The following SYNPO variants were observed in gnomAD, a reference collection of about 807,000 sequenced individuals.
SYNPO encodes synaptopodin.
Under a neutral mutation model 49.5 loss-of-function variants are expected in SYNPO, and 19 were observed. The observed-to-expected ratio is 0.38, with a 90% CI of 0.27 to 0.56. The LOEUF (loss-of-function observed/expected upper bound fraction) is 0.56. SYNPO is among the 20% of genes least tolerant of loss of function. The probability of loss-of-function intolerance (pLI) is 0.68; values close to 1 mark genes in which losing one functional copy is unlikely to be tolerated. For synonymous variants in SYNPO, 536 were observed against 548.0 expected (o/e 0.98, Z 0.31); for missense variants, 1,131 against 1,248.3 (o/e 0.91, Z 1.42).
chr5:150,652,164 A>C (rs1264875246), intron 2 of SYNPO: 2 of 1,002,040 alleles, frequency 2.0e-6, no homozygotes, highest in Non-Finnish European at 2.4e-6. Context: ...CAGCTCCTTC[A>C]GGCCTGGCCT....
intron 2 of SYNPO, chr5:150,650,553 C>T: frequency 2.7e-6 from 4 of 1,461,948 alleles, no homozygotes; most frequent in Non-Finnish European, 3.6e-6. Context: ...GGTCGGACTC[C>T]ATGTCTGAGC....
At chr5:150,650,602 C>A in intron 2 of SYNPO, 1 of 1,450,190 alleles carries the variant, frequency 6.9e-7, no homozygotes, top group East Asian at 2.5e-5. Flanking sequence ...TCTGGCAGCC[C>A]TGATGCGGTA....
the SYNPO span, among the ~76,000 whole-genome samples, chr5:150,595,332 G>C: frequency 6.6e-6 from 1 of 152,238 alleles, no homozygotes; most frequent in East Asian, 1.9e-4. Context: ...GCTAATGCTG[G>C]AAGGATCTTC....
intron 1 of SYNPO, among the ~76,000 whole-genome samples, chr5:150,601,968 T>C (rs1388669344): frequency 2.6e-5 from 4 of 152,188 alleles, no homozygotes; most frequent in Non-Finnish European, 5.9e-5. Flanking sequence ...CTCCAGGAGC[T>C]CGGCATCACC....
intron 2 of SYNPO, among the ~76,000 whole-genome samples, chr5:150,620,073 T>C (rs1456583656): frequency 1.3e-5 from 2 of 152,302 alleles, no homozygotes; most frequent in South Asian, 2.1e-4. Context: ...TCAGGAGACA[T>C]AGATGCTTTC....
chr5:150,589,816 G>T, the SYNPO span, among the ~76,000 whole-genome samples: 26 of 152,242 alleles, frequency 1.7e-4, no homozygotes, highest in Non-Finnish European at 3.1e-4. Flanking sequence ...CAGAGTCCCT[G>T]TGAGCCCTTT....
At chr5:150,620,624 C>T (rs960151979) in intron 2 of SYNPO, among the ~76,000 whole-genome samples, 1 of 152,062 alleles carries the variant, frequency 6.6e-6, no homozygotes, top group African/African-American at 2.4e-5. Context: ...ATGGAAGAGC[C>T]CATGGATGGA....
At chr5:150,623,535 G>A (rs1757247503) in intron 2 of SYNPO, among the ~76,000 whole-genome samples, 1 of 150,430 alleles carries the variant, frequency 6.6e-6, no homozygotes, top group Non-Finnish European at 1.5e-5. Flanking sequence ...CTCCCAACCT[G>A]CCCTCTACCC....
At chr5:150,637,325 T>C (rs927616133), upstream of SYNPO, among the ~76,000 whole-genome samples, 1 of 152,176 alleles carries the variant, frequency 6.6e-6, no homozygotes, top group African/African-American at 2.4e-5. Flanking sequence ...TGAGGCTCAG[T>C]TTCCTCATCT....
chr5:150,600,405 C>T (rs910951885), upstream of SYNPO, among the ~76,000 whole-genome samples: 1 of 152,246 alleles, frequency 6.6e-6, no homozygotes, highest in African/African-American at 2.4e-5. Context: ...CTCCCCAGCC[C>T]ATCCCCCAGG....
Position 150,648,690 on chromosome 5 carries a change from G to A in SYNPO, c.415G>A (p.Ala139Thr). Residue 139 changes from alanine to threonine, a missense_variant, in exon 2 of 3, where the codon GCT (alanine) becomes ACT (threonine). This residue lies in a region of SYNPO where 602 missense variants were observed against 720.7 expected (regional missense o/e 0.84). Transcript: ENST00000307662. The surrounding 1 kb of genome is among the most constrained non-coding windows in gnomAD (Gnocchi z 5.0). ...TGCTTCCAAACCCAGCACCCTGTGT[G>A]CTGATGGGCAACCCCAGGCACCGGC... ...GPASKPSTLC[A>T]DGQPQAPAEE... 1 of 1,614,210 alleles carries A rather than the reference G, an allele frequency of 6.2e-7. No individual in the cohort carries two copies. Among genetic ancestry groups the A allele is most frequent in the Middle Eastern group, 1.6e-4 (1 of 6,062 alleles).
At chr5:150,596,491 C>T (rs754293397), upstream of SYNPO, among the ~76,000 whole-genome samples, 4 of 152,136 alleles carry the variant, frequency 2.6e-5, no homozygotes, top group African/African-American at 4.8e-5. Context: ...GACGGACGGC[C>T]CCCATGTATC....
At chr5:150,607,766 A>G (rs1756734084) in intron 1 of SYNPO, among the ~76,000 whole-genome samples, 1 of 143,048 alleles carries the variant, frequency 7.0e-6, no homozygotes, top group Non-Finnish European at 1.5e-5. Flanking sequence ...TCTAGCAGGT[A>G]CACTAAAAAG....
intron 2 of SYNPO, chr5:150,651,866 C>A: frequency 1.0e-6 from 1 of 1,000,426 alleles, no homozygotes. Context: ...ATGATACAGC[C>A]CCCGACCAAA....
intron 1 of SYNPO, among the ~76,000 whole-genome samples, chr5:150,606,947 T>C (rs1216718255): frequency 3.3e-5 from 5 of 152,152 alleles, no homozygotes; most frequent in Non-Finnish European, 5.9e-5. Flanking sequence ...CCTCAACAAC[T>C]GTGTCCTGAA....
upstream of SYNPO, among the ~76,000 whole-genome samples, chr5:150,636,927 C>T (rs1221303499): frequency 8.5e-5 from 13 of 152,130 alleles, no homozygotes; most frequent in African/African-American, 2.4e-4. Flanking sequence ...GGTCGAGTTA[C>T]GCAGAGGTGG....
At chr5:150,590,079 C>A in the SYNPO span, among the ~76,000 whole-genome samples, 1 of 152,238 alleles carries the variant, frequency 6.6e-6, no homozygotes, top group Non-Finnish European at 1.5e-5. Flanking sequence ...TTTTTCCAAG[C>A]CTTGCGCTTT....
chr5:150,589,030 A>G, the SYNPO span, among the ~76,000 whole-genome samples: 1 of 151,480 alleles, frequency 6.6e-6, no homozygotes, highest in East Asian at 1.9e-4. Context: ...TGTACTATAC[A>G]CACCATTCTC....
chr5:150,639,116 G>T (rs1757808822), upstream of SYNPO, among the ~76,000 whole-genome samples: 1 of 152,264 alleles, frequency 6.6e-6, no homozygotes, highest in Non-Finnish European at 1.5e-5. Context: ...GCAAGAGAGA[G>T]GCTGTGGCTC....
Sources: allele counts gnomAD v4.1 joint callset (sites outside exome capture counted in the v4.1 genomes callset), GRCh38; gene constraint gnomAD v4.1.1; regional missense constraint gnomAD v4.1.1; non-coding constraint Gnocchi (gnomAD v3.1); transcripts MANE v1.5; gene names NCBI Gene and HGNC (gene_info 2026-07-23, HGNC 2026-07-21).